The following CACNA1C variants were observed in gnomAD, a reference collection of about 807,000 sequenced individuals.
The protein encoded by CACNA1C is voltage-dependent L-type calcium channel subunit alpha-1C.
A neutral mutation model predicts 229.0 loss-of-function variants in CACNA1C; 30 were observed. That is an observed-to-expected ratio of 0.13 (90% CI 0.10 to 0.18). The LOEUF (loss-of-function observed/expected upper bound fraction) is 0.18, where lower values mean the gene tolerates loss of function less well. CACNA1C is among the 10% of genes least tolerant of loss of function. The pLI is 1.00. For synonymous variants in CACNA1C, 1,114 were observed against 1,132.5 expected, an observed-to-expected ratio of 0.98 and a Z score of 0.33; for missense variants, 1,658 against 2,845.0, an observed-to-expected ratio of 0.58 and a Z score of 9.49.
chr12:2,677,888 C>T lies in CACNA1C; in HGVS notation c.5091+21C>T. 6.2e-7 allele frequency: 1 copy of T among 1,613,280 alleles called. No homozygotes were observed. Among genetic ancestry groups the T allele is most frequent in the Middle Eastern group, 1.7e-4 (1 of 6,060 alleles). ...TCAGGGTGGGTGGTGCCATGGCGCA[C>T]TCTCGACCCCTATAAAGTTCAGTTT... On this transcript the variant is annotated intron_variant, in intron 41 of 46. Transcript: ENST00000399655. This position sits in a 1 kb window ranked among gnomAD's most constrained non-coding sequence, Gnocchi z 7.4.
At chr12:2,589,824 G>A (rs2064383282) in intron 18 of CACNA1C, among the ~76,000 whole-genome samples, 1 of 152,240 alleles carries the variant, frequency 6.6e-6, no homozygotes, top group Admixed American at 6.5e-5. Flanking sequence ...ATGCAGAGAA[G>A]TGGTCAGGCT....
Position 2,483,739 on chromosome 12 carries a change from G to T in CACNA1C, c.758-2365G>T, listed in dbSNP as rs374252112. On this transcript the variant is annotated intron_variant, in intron 5 of 46. Coordinates refer to ENST00000399655, the MANE Select transcript of CACNA1C (RefSeq NM_000719.7). ...CCCCCAGCCTGGACGGGGATGTGAGGAACAGGGCATTTGGCAGGAATTCTT... is the reference window on the plus strand; with the variant it reads ...CCCCCAGCCTGGACGGGGATGTGAGTAACAGGGCATTTGGCAGGAATTCTT... Among the ~76,000 whole-genome samples the T allele has an allele frequency of 1.2e-4, 19 of 152,198 alleles. No homozygotes were observed. The East Asian group carries it at 1.4e-3, about 11-fold the overall frequency.
intron 1 of CACNA1C, among the ~76,000 whole-genome samples, chr12:2,058,505 T>C (rs1472016929): frequency 1.3e-5 from 2 of 152,270 alleles, no homozygotes; most frequent in South Asian, 2.1e-4. Flanking sequence ...TGTTGGGCAC[T>C]GTGGAGGAGA....
chr12:2,490,096 T>A (rs2099712633), intron 6 of CACNA1C, among the ~76,000 whole-genome samples: 1 of 152,276 alleles, frequency 6.6e-6, no homozygotes, highest in Admixed American at 6.5e-5. Context: ...CACTGCTTCT[T>A]AATTGTTCTC....
rs961951029 is a variant in CACNA1C at position 2,601,387 on chromosome 12, C to T, written c.2854-467C>T. Among the ~76,000 whole-genome samples the T allele has an allele frequency of 3.3e-5, 5 of 152,132 alleles. No homozygotes were observed. The highest frequency in any genetic ancestry group is 1.9e-4 in the East Asian group (1 of 5,178). On this transcript the variant is annotated intron_variant, in intron 21 of 46. Transcript: ENST00000399655. This position sits in a 1 kb window ranked among gnomAD's most constrained non-coding sequence, Gnocchi z 5.9. ...GCTGGTCACCCTGCTGGGCATGCCC[C>T]GCCCCCCAACCCACCCACTCACGGC...
intron 30 of CACNA1C, among the ~76,000 whole-genome samples, chr12:2,642,271 C>G (rs537263523): frequency 2.0e-5 from 3 of 152,168 alleles, no homozygotes; most frequent in Non-Finnish European, 4.4e-5. Flanking sequence ...CCCTCAAATG[C>G]TCTTTCCTTT....
At chr12:2,218,471 G>A (rs2060551783) in intron 3 of CACNA1C, among the ~76,000 whole-genome samples, 1 of 152,184 alleles carries the variant, frequency 6.6e-6, no homozygotes, top group Admixed American at 6.5e-5. Context: ...GGGCAGAGGG[G>A]CAAAACTCCC....
chr12:2,163,841 A>G (rs1176981763), intron 3 of CACNA1C, among the ~76,000 whole-genome samples: 1 of 152,192 alleles, frequency 6.6e-6, no homozygotes, highest in African/African-American at 2.4e-5. Flanking sequence ...TGGCTGATCT[A>G]AAACATAACT....
intron 1 of CACNA1C, among the ~76,000 whole-genome samples, chr12:2,061,184 C>A (rs548240613): frequency 6.7e-6 from 1 of 149,124 alleles, no homozygotes; most frequent in Non-Finnish European, 1.5e-5. Flanking sequence ...CAATTCACTT[C>A]GCAGGGCAGC....
At chr12:2,243,509 G>A (rs527659716) in intron 3 of CACNA1C, among the ~76,000 whole-genome samples, 59 of 152,268 alleles carry the variant, frequency 3.9e-4, no homozygotes, top group African/African-American at 1.4e-3. Flanking sequence ...CCATCAGTGC[G>A]ATCACCATCC....
chr12:2,671,363 G>A (rs2096562704), intron 38 of CACNA1C, among the ~76,000 whole-genome samples: 1 of 152,144 alleles, frequency 6.6e-6, no homozygotes, highest in Admixed American at 6.5e-5. Flanking sequence ...GAAGAAAACT[G>A]GGAAGGAAAT....
At chr12:2,480,539 C>G (rs977011143) in intron 5 of CACNA1C, among the ~76,000 whole-genome samples, 4 of 152,234 alleles carry the variant, frequency 2.6e-5, no homozygotes, top group African/African-American at 9.6e-5. Context: ...CCATCTCTAG[C>G]ACGCAAGCAT....
chr12:2,051,374 G>T (rs2052182104), upstream of CACNA1C, among the ~76,000 whole-genome samples: 2 of 152,230 alleles, frequency 1.3e-5, no homozygotes, highest in Admixed American at 1.3e-4. Flanking sequence ...CATTCCTGTA[G>T]GTCACCACAA....
chr12:2,555,754 G>A (rs559089567), intron 10 of CACNA1C, among the ~76,000 whole-genome samples: 168 of 152,334 alleles, frequency 1.1e-3, no homozygotes, highest in Non-Finnish European at 1.7e-3. Flanking sequence ...CCCCAGAGAT[G>A]TAATTATCTC....
chr12:2,601,716 G>A lies in CACNA1C; in HGVS notation c.2854-138G>A, dbSNP rs542897101. 1.6e-4 allele frequency: 112 copies of A among 692,398 alleles called. No individual in the cohort carries two copies. Among genetic ancestry groups the A allele is most frequent in the South Asian group, 1.2e-3 (75 of 64,972 alleles). The allele number at this position is 692,398 out of a possible 1,614,324, so 42.9% of individuals were successfully genotyped here. On this transcript the variant is annotated intron_variant, in intron 21 of 46. Transcript: ENST00000399655. This position sits in a 1 kb window ranked among gnomAD's most constrained non-coding sequence, Gnocchi z 5.9. ...ACTCTTTTCTTGGCACCATAGCGCCGTCTTTGTCCTTCCTGTTCCCCATGG... is the reference window on the plus strand; with the variant it reads ...ACTCTTTTCTTGGCACCATAGCGCCATCTTTGTCCTTCCTGTTCCCCATGG...
At chr12:2,552,366 G>A (rs547352763) in intron 10 of CACNA1C, among the ~76,000 whole-genome samples, 13 of 152,168 alleles carry the variant, frequency 8.5e-5, no homozygotes, top group Non-Finnish European at 1.8e-4. Context: ...GTGTAAAGTC[G>A]GGCTAATAAC....
chr12:2,002,269 G>A (rs1264144785), intron 1 of CACNA1C, among the ~76,000 whole-genome samples: 1 of 152,098 alleles, frequency 6.6e-6, no homozygotes, highest in East Asian at 1.9e-4. Flanking sequence ...ATTCTTATTA[G>A]GTTTACATTC....
chr12:2,076,344 C>T (rs573397005), intron 1 of CACNA1C, among the ~76,000 whole-genome samples: 10 of 152,240 alleles, frequency 6.6e-5, no homozygotes, highest in African/African-American at 2.2e-4. Context: ...ATTACACATG[C>T]GTAATGTTCT....
chr12:2,455,781 C>T (rs980276544), intron 4 of CACNA1C, among the ~76,000 whole-genome samples: 10 of 152,278 alleles, frequency 6.6e-5, no homozygotes, highest in African/African-American at 2.4e-4. Context: ...TGTTCACTGA[C>T]CGCTCTCTTC....
Sources: allele counts gnomAD v4.1 joint callset (sites outside exome capture counted in the v4.1 genomes callset), GRCh38; gene constraint gnomAD v4.1.1; non-coding constraint Gnocchi (gnomAD v3.1); transcripts MANE v1.5; gene names NCBI Gene and HGNC (gene_info 2026-07-23, HGNC 2026-07-21).